ERVK3-1: variants seen among roughly 807,000 people sequenced by gnomAD.
ERVK3-1 encodes the protein endogenous retrovirus group K3 member 1, also known as HERV-K(HML6-1).
Position 58,312,233 on chromosome 19 carries a change from C to T in ERVK3-1, c.65C>T (p.Pro22Leu). The change falls in exon 3 of 4, where the codon CCA (proline) becomes CTA (leucine). Residue 22 changes from proline (P) to leucine (L), a missense_variant. Physicochemically the swap from Pro to Leu is moderately conservative, Grantham distance 98 (BLOSUM62 -3). Transcript: ENST00000413518. This position sits in a 1 kb window ranked among gnomAD's most constrained non-coding sequence, Gnocchi z 4.7. ...CATGGAACGGGAGACCGGAGGGATCCATGGTATTCAACCGTGGGCCTGTTA... is the reference window on the plus strand; with the variant it reads ...CATGGAACGGGAGACCGGAGGGATCTATGGTATTCAACCGTGGGCCTGTTA... The T allele has an allele frequency of 2.5e-6, 1 of 400,084 alleles. No homozygotes were observed. Among genetic ancestry groups the T allele is most frequent in the South Asian group, 1.3e-4 (1 of 7,852 alleles). The allele number at this position is 400,084 out of a possible 1,614,324, so 24.8% of individuals were successfully genotyped here. A position where few individuals can be genotyped will look rare whatever the true frequency, so the allele number is the denominator to read the frequency against.
exon 4 of ERVK3-1, chr19:58,315,530 C>G (rs1349631542): frequency 6.6e-6 from 1 of 152,160 alleles, no homozygotes; most frequent in Non-Finnish European, 1.5e-5. Context: ...TTTTTCATTC[C>G]TCTTTATGGC....
intron 2 of ERVK3-1, chr19:58,311,774 A>C (rs963734812): frequency 1.3e-5 from 2 of 156,638 alleles, no homozygotes; most frequent in Non-Finnish European, 2.8e-5. Flanking sequence ...AAACAATTTA[A>C]AACTGACAGT....
rs58275693 is a variant in ERVK3-1, at chr19:58,314,626, C to CAA, written c.295-99_295-98dup. Reference sequence around the variant, plus strand: ...TGGGTGACAGAGCGAGACTCCATCTCAAAAAAAAAAAAAAAAAAAAAAAAG... The same window carrying CAA: ...TGGGTGACAGAGCGAGACTCCATCTCAAAAAAAAAAAAAAAAAAAAAAAAAAG... On this transcript the variant is annotated intron_variant, in intron 3 of 3. Coordinates refer to ENST00000413518, the Ensembl canonical transcript of ERVK3-1. 7.9e-3 allele frequency: 460 copies of CAA among 57,928 alleles called. 1 individual carries two copies. Among genetic ancestry groups the CAA allele is most frequent in the Non-Finnish European group, 0.012 (308 of 26,244 alleles). 3.6% of individuals were successfully genotyped at this position (57,928 alleles called of 1,614,324 possible). A position where few individuals can be genotyped will look rare whatever the true frequency, so the allele number is the denominator to read the frequency against.
At chr19:58,309,539 T>C (rs946511896) in intron 2 of ERVK3-1, 4 of 152,240 alleles carry the variant, frequency 2.6e-5, no homozygotes, top group African/African-American at 9.6e-5. Flanking sequence ...AGATTCTTCA[T>C]TAGATTCCCC....
At position 58,308,811 on chromosome 19, in the gene ERVK3-1, C is replaced by T. The variant is rs868213989; in HGVS notation, c.-4+2595C>T. 4.6e-5 allele frequency among the ~76,000 whole-genome samples: 7 copies of T among 152,274 alleles called. No individual in the cohort carries two copies. The Middle Eastern group carries it at 0.02, about 444-fold the overall frequency. On this transcript the variant is annotated intron_variant, in intron 2 of 3. Coordinates refer to ENST00000413518, the Ensembl canonical transcript of ERVK3-1. ...TCAACTCCATCAGCTGGTAAGAAAGCAATTGGATGCAGGACATATAAAAGT... is the reference window on the plus strand; with the variant it reads ...TCAACTCCATCAGCTGGTAAGAAAGTAATTGGATGCAGGACATATAAAAGT...
At chr19:58,307,304 G>T (rs532329250) in intron 2 of ERVK3-1, among the ~76,000 whole-genome samples, 1 of 152,196 alleles carries the variant, frequency 6.6e-6, no homozygotes, top group Non-Finnish European at 1.5e-5. Flanking sequence ...CTGCTCCTGC[G>T]AAAATGCTTA....
chr19:58,315,169 T>A (rs3206947), exon 4 of ERVK3-1: 46,303 of 172,862 alleles, frequency 0.27, 7,436 homozygotes, highest in African/African-American at 0.45. Flanking sequence ...TGTTCCCTAA[T>A]ATCAAGGAGC....
At chr19:58,314,653 CT>C in intron 3 of ERVK3-1, 94 bp from the exon 4 acceptor site, 1 of 327,068 alleles carries the variant, frequency 3.1e-6, no homozygotes. Flanking sequence ...AAAAAAAAGC[CT>C]CAACCCTTGG....
chr19:58,314,884 C>A, exon 4 of ERVK3-1: 2 of 397,932 alleles, frequency 5.0e-6, no homozygotes, highest in South Asian at 1.3e-4. Flanking sequence ...CTCAGTATAC[C>A]ACTGGAGGCT....
intron 2 of ERVK3-1, chr19:58,311,758 G>A (rs951524640): frequency 6.5e-6 from 1 of 154,910 alleles, no homozygotes; most frequent in Admixed American, 6.5e-5. Flanking sequence ...CCATATGGGG[G>A]TCCCTAAACA....
In ERVK3-1 at chr19:58,310,761, A is replaced by G. The variant is rs947525373; in HGVS notation, c.-3-1405A>G. 3.2e-5 allele frequency: 8 copies of G among 249,320 alleles called. No individual in the cohort carries two copies. The highest frequency in any genetic ancestry group is 1.8e-4 in the South Asian group (5 of 27,524). 15.4% of individuals were successfully genotyped at this position (249,320 alleles called of 1,614,324 possible). On this transcript the variant is annotated intron_variant, in intron 2 of 3. Transcript: ENST00000413518. The surrounding 1 kb of genome is among the most constrained non-coding windows in gnomAD (Gnocchi z 4.7). ...CGGATAACTGTGGGCGAGCCTGACTAATGTCAGGCCCTCCACAAGAGGTGG... is the reference window on the plus strand; with the variant it reads ...CGGATAACTGTGGGCGAGCCTGACTGATGTCAGGCCCTCCACAAGAGGTGG...
chr19:58,315,909 C>T (rs1281943769), downstream of ERVK3-1, among the ~76,000 whole-genome samples: 3 of 152,268 alleles, frequency 2.0e-5, no homozygotes, highest in South Asian at 4.1e-4. Flanking sequence ...AAAGAGAAGG[C>T]GGCAGTGGCC....
chr19:58,309,848 T>C (rs2051545649), intron 2 of ERVK3-1: 1 of 152,204 alleles, frequency 6.6e-6, no homozygotes, highest in African/African-American at 2.4e-5. Flanking sequence ...CCTGATAAAA[T>C]TATTGTTACC....
exon 4 of ERVK3-1, chr19:58,314,897 G>A (rs1298126385): frequency 1.0e-5 from 4 of 396,582 alleles, no homozygotes; most frequent in Admixed American, 4.4e-5. Context: ...TGGAGGCTCT[G>A]TGAGCAAACA....
chr19:58,310,100 A>G lies in ERVK3-1; in HGVS notation c.-3-2066A>G, dbSNP rs990142269. Reference sequence around the variant, plus strand: ...GCCATTTATGGACCTAAATATACTTAAATAATAAAGACCCCTAGAGTTTCA... The same window carrying G: ...GCCATTTATGGACCTAAATATACTTGAATAATAAAGACCCCTAGAGTTTCA... On this transcript the variant is annotated intron_variant, in intron 2 of 3. Coordinates refer to ENST00000413518, the Ensembl canonical transcript of ERVK3-1. This position sits in a 1 kb window ranked among gnomAD's most constrained non-coding sequence, Gnocchi z 4.7. 3.9e-5 allele frequency: 6 copies of G among 152,180 alleles called. No homozygotes were observed. Among genetic ancestry groups the G allele is most frequent in the Non-Finnish European group, 8.8e-5 (6 of 68,028 alleles). The allele number at this position is 152,180 out of a possible 1,614,324, so 9.4% of individuals were successfully genotyped here.
intron 2 of ERVK3-1, among the ~76,000 whole-genome samples, chr19:58,308,814 T>C (rs1206848492): frequency 1.3e-5 from 2 of 152,160 alleles, no homozygotes; most frequent in Non-Finnish European, 2.9e-5. Context: ...AAGAAAGCAA[T>C]TGGATGCAGG....
At chr19:58,308,082 C>G (rs1456196792) in intron 2 of ERVK3-1, among the ~76,000 whole-genome samples, 3 of 152,204 alleles carry the variant, frequency 2.0e-5, no homozygotes, top group Admixed American at 2.0e-4. Flanking sequence ...TGTAATGTCA[C>G]AAGATCTTTG....
chr19:58,305,395 G>A (rs1194331811), exon 1 of ERVK3-1: 1 of 152,420 alleles, frequency 6.6e-6, no homozygotes, highest in Non-Finnish European at 1.5e-5. Context: ...AGACGCTCAC[G>A]GGCGCGCGGA....
chr19:58,306,239 G>C (rs146643656), intron 2 of ERVK3-1, 23 bp downstream of exon 2: 1 of 152,310 alleles, frequency 6.6e-6, no homozygotes, highest in Non-Finnish European at 1.5e-5. Flanking sequence ...AGAAGGTATC[G>C]GGAGCGGGAG....
Sources: allele counts gnomAD v4.1 joint callset (sites outside exome capture counted in the v4.1 genomes callset), GRCh38; gene constraint gnomAD v4.1.1; non-coding constraint Gnocchi (gnomAD v3.1); transcripts MANE v1.5; gene names NCBI Gene and HGNC (gene_info 2026-07-23, HGNC 2026-07-21).